LRGUK: variants seen among roughly 807,000 people sequenced by gnomAD.
LRGUK encodes the protein leucine rich repeats and guanylate kinase domain containing.
LRGUK carries 65 observed loss-of-function variants against 76.0 expected under a neutral mutation model. That is an observed-to-expected ratio of 0.85 (90% CI 0.70 to 1.05). LRGUK has a LOEUF of 1.05. Ranked by LOEUF, LRGUK falls within the 50% of genes least tolerant of loss-of-function variation. The pLI is 0.00. For synonymous variants in LRGUK, 268 were observed against 265.6 expected (o/e 1.01, Z -0.09); for missense variants, 758 against 732.8 (o/e 1.03, Z -0.40).
At chr7:134,183,048 G>A (rs556335225) in intron 10 of LRGUK, among the ~76,000 whole-genome samples, 25 of 152,300 alleles carry the variant, frequency 1.6e-4, no homozygotes, top group Admixed American at 3.3e-4. Flanking sequence ...GAGCCATCGC[G>A]CCCGGCTGCG....
At chr7:134,183,528 C>T (rs1001513049) in intron 10 of LRGUK, among the ~76,000 whole-genome samples, 2 of 152,120 alleles carry the variant, frequency 1.3e-5, no homozygotes, top group African/African-American at 4.8e-5. Context: ...TACGTAAGTT[C>T]ATATTTTACC....
intron 5 of LRGUK, among the ~76,000 whole-genome samples, chr7:134,151,914 A>T (rs189690288): frequency 6.6e-6 from 1 of 152,142 alleles, no homozygotes; most frequent in Admixed American, 6.5e-5. Context: ...TGTCTACAAA[A>T]ATATTTGAAA....
intron 18 of LRGUK, among the ~76,000 whole-genome samples, chr7:134,249,813 TC>T (rs1047583155): frequency 2.0e-5 from 3 of 152,224 alleles, no homozygotes; most frequent in African/African-American, 7.2e-5. Flanking sequence ...ATTTTGTTTC[TC>T]CTTCAGTTGC....
intron 18 of LRGUK, among the ~76,000 whole-genome samples, chr7:134,251,116 T>A (rs1802434236): frequency 6.6e-6 from 1 of 152,104 alleles, no homozygotes; most frequent in Admixed American, 6.5e-5. Flanking sequence ...ATTCCCCCAA[T>A]TTCATATGTT....
intron 18 of LRGUK, among the ~76,000 whole-genome samples, chr7:134,255,841 C>T (rs1317508530): frequency 6.6e-6 from 1 of 151,942 alleles, no homozygotes; most frequent in African/African-American, 2.4e-5. Flanking sequence ...GATCTTTTTG[C>T]TTGGTCTCAG....
chr7:134,177,490 A>G (rs1799531471), intron 9 of LRGUK, among the ~76,000 whole-genome samples: 1 of 152,056 alleles, frequency 6.6e-6, no homozygotes, highest in Non-Finnish European at 1.5e-5. Flanking sequence ...CAAATAAATC[A>G]CTACTCTGAT....
chr7:134,258,415 A>G lies in LRGUK; in HGVS notation c.2347+10A>G. 1 of 1,612,630 alleles carries G rather than the reference A, an allele frequency of 6.2e-7. No individual in the cohort carries two copies. The highest frequency in any genetic ancestry group is 2.2e-5 in the East Asian group (1 of 44,806). On this transcript the variant is annotated intron_variant, in intron 19 of 19. Coordinates refer to the LRGUK transcript ENST00000285928. ...GAAGAGACCCGGAAAGGTATGAGTT[A>G]GGCCAAGCGCGGTGGCTCATGCCTG...
rs368330552 is a variant in LRGUK at position 134,169,082 on chromosome 7, A to C, written c.940-5474A>C. ...GGATCTAAAGAGAAGAACATCTTGG[A>C]TGTAAGGTGGCCCTAAACCCAATGT... On this transcript the variant is annotated intron_variant, in intron 7 of 15. Coordinates refer to ENST00000645682, the Ensembl canonical transcript of LRGUK. Among the ~76,000 whole-genome samples, 8 of 150,872 alleles carry C rather than the reference A, an allele frequency of 5.3e-5. No homozygotes were observed. The East Asian group carries it at 1.4e-3, about 26-fold the overall frequency.
At chr7:134,210,077 G>T in exon 16 of LRGUK, 1 of 399,282 alleles carries the variant, frequency 2.5e-6, no homozygotes. Context: ...GCAGACAGGG[G>T]CTAGGGAAAA....
At chr7:134,169,371 A>G (rs950962192) in intron 7 of LRGUK, among the ~76,000 whole-genome samples, 6 of 152,172 alleles carry the variant, frequency 3.9e-5, no homozygotes, top group African/African-American at 1.4e-4. Context: ...GCTGGTCTCC[A>G]GAACTGTGGA....
intron 13 of LRGUK, 86 bp from the exon 14 acceptor site, chr7:134,199,134 C>T (rs1261450340): frequency 5.0e-6 from 5 of 998,020 alleles, no homozygotes; most frequent in Middle Eastern, 2.2e-4. Flanking sequence ...AATACTACTT[C>T]TTATACCCAT....
intron 2 of LRGUK, 92 bp downstream of exon 2, chr7:134,137,222 C>A: frequency 1.1e-6 from 1 of 913,028 alleles, no homozygotes; most frequent in Non-Finnish European, 1.7e-6. Flanking sequence ...TTTGTGGTGA[C>A]AGCAAATCTT....
intron 14 of LRGUK, 46 bp downstream of exon 14, chr7:134,199,467 T>A: frequency 6.6e-7 from 1 of 1,524,648 alleles, no homozygotes; most frequent in South Asian, 1.1e-5. Context: ...GTAAGATTAC[T>A]GAATTAAAAG....
At chr7:134,200,578 G>A (rs1800728458) in intron 14 of LRGUK, among the ~76,000 whole-genome samples, 1 of 152,136 alleles carries the variant, frequency 6.6e-6, no homozygotes, top group Non-Finnish European at 1.5e-5. Flanking sequence ...CTCTTAGGGG[G>A]AAGGGAAACT....
chr7:134,259,248 G>A (rs922036482), intron 19 of LRGUK, among the ~76,000 whole-genome samples: 3 of 152,118 alleles, frequency 2.0e-5, no homozygotes, highest in Admixed American at 6.6e-5. Context: ...TGGGCTCCGC[G>A]GCAGTGTTCA....
exon 19 of LRGUK, chr7:134,258,395 G>A (rs777441587): frequency 6.2e-7 from 1 of 1,613,784 alleles, no homozygotes. Context: ...AGACCGAAGA[G>A]ACCCGGAAAG....
At chr7:134,275,422 G>A in the LRGUK span, among the ~76,000 whole-genome samples, 1 of 152,094 alleles carries the variant, frequency 6.6e-6, no homozygotes, top group East Asian at 1.9e-4. Context: ...AGAAGAGTCT[G>A]CTTGATTTCT....
intron 16 of LRGUK, among the ~76,000 whole-genome samples, chr7:134,241,882 G>A (rs1433498670): frequency 1.3e-5 from 2 of 152,156 alleles, no homozygotes; most frequent in East Asian, 3.8e-4. Context: ...AATCAAACTA[G>A]AGCTCAGGAT....
At chr7:134,130,005 C>T (rs1797230686) in intron 1 of LRGUK, among the ~76,000 whole-genome samples, 2 of 152,080 alleles carry the variant, frequency 1.3e-5, no homozygotes, top group African/African-American at 4.8e-5. Flanking sequence ...CTTGGGTTCC[C>T]CTTCCTTTGT....
Sources: allele counts gnomAD v4.1 joint callset (sites outside exome capture counted in the v4.1 genomes callset), GRCh38; gene constraint gnomAD v4.1.1; transcripts MANE v1.5; gene names NCBI Gene and HGNC (gene_info 2026-07-23, HGNC 2026-07-21).